The following DEK variants were observed in gnomAD, a reference collection of about 807,000 sequenced individuals.
DEK encodes the protein protein DEK.
Under a neutral mutation model 46.8 loss-of-function variants are expected in DEK, and 28 were observed. That is an observed-to-expected ratio of 0.60 (90% CI 0.44 to 0.82). DEK has a LOEUF of 0.82. Ranked by LOEUF, DEK falls within the 40% of genes least tolerant of loss-of-function variation. DEK has a pLI of 0.00. For synonymous variants in DEK, 160 were observed against 144.5 expected (o/e 1.11, Z -0.77); for missense variants, 416 against 430.6 (o/e 0.97, Z 0.30).
At chr6:18,253,967 G>A (rs527311541) in intron 6 of DEK, among the ~76,000 whole-genome samples, 1 of 152,022 alleles carries the variant, frequency 6.6e-6, no homozygotes, top group African/African-American at 2.4e-5. Flanking sequence ...CCTCCCAAAG[G>A]GCAGGGATTA....
At chr6:18,254,227 A>C (rs1055776370) in intron 6 of DEK, among the ~76,000 whole-genome samples, 3 of 152,068 alleles carry the variant, frequency 2.0e-5, no homozygotes, top group African/African-American at 7.2e-5. Flanking sequence ...GCTACTGTAG[A>C]GACTGAGGCA....
intron 9 of DEK, among the ~76,000 whole-genome samples, chr6:18,231,067 C>T (rs565681298): frequency 6.6e-6 from 1 of 152,200 alleles, no homozygotes; most frequent in African/African-American, 2.4e-5. Context: ...AAGAAACTCA[C>T]TCAAAACAGC....
intron 9 of DEK, among the ~76,000 whole-genome samples, chr6:18,228,007 T>C (rs773079249): frequency 1.3e-5 from 2 of 152,186 alleles, no homozygotes; most frequent in Non-Finnish European, 2.9e-5. Context: ...TTTCTGCCTT[T>C]TGTCAATTTT....
chr6:18,244,040 T>A (rs1032810724), intron 7 of DEK, among the ~76,000 whole-genome samples: 5 of 152,228 alleles, frequency 3.3e-5, no homozygotes, highest in African/African-American at 1.2e-4. Flanking sequence ...CTTTAGTGAT[T>A]ATAATAAAAA....
intron 6 of DEK, among the ~76,000 whole-genome samples, chr6:18,253,193 A>G (rs1182139019): frequency 1.3e-5 from 2 of 151,366 alleles, no homozygotes; most frequent in Non-Finnish European, 2.9e-5. Flanking sequence ...TTCACCTCCC[A>G]GAGAACACCA....
intron 7 of DEK, among the ~76,000 whole-genome samples, chr6:18,245,317 C>T (rs1791064303): frequency 6.6e-6 from 1 of 152,248 alleles, no homozygotes; most frequent in African/African-American, 2.4e-5. Context: ...CCCACATCCT[C>T]AATTCCTTTC....
At chr6:18,263,680 C>T (rs917419396) in intron 2 of DEK, among the ~76,000 whole-genome samples, 163 bp downstream of exon 2, 2 of 152,232 alleles carry the variant, frequency 1.3e-5, no homozygotes, top group African/African-American at 4.8e-5. Flanking sequence ...TCTACGCCAT[C>T]GCTCAAAACA....
In DEK at chr6:18,238,536, A is replaced by C. The variant is rs140156438; in HGVS notation, c.763-1020T>G. The stretch of plus-strand genomic sequence containing the variant: ...ACATGGTGAAACACTGTCTCTCCTA[A>C]AAATACAAAAATTAGCTGGGTGTGG... On this transcript the variant is annotated intron_variant, in intron 7 of 10. Coordinates refer to ENST00000652689, the MANE Select transcript of DEK (RefSeq NM_003472.4). Among the ~76,000 whole-genome samples the C allele has an allele frequency of 3.9e-5, 6 of 152,018 alleles. No homozygotes were observed. In the East Asian group the frequency reaches 1.2e-3, roughly 30 times the overall value.
chr6:18,239,381 G>A (rs928292752), intron 7 of DEK, among the ~76,000 whole-genome samples: 2 of 117,550 alleles, frequency 1.7e-5, no homozygotes, highest in South Asian at 2.7e-4. Flanking sequence ...AGATGGTCTC[G>A]CTATGTTACC....
rs918783467 is a variant in DEK at position 18,256,284 on chromosome 6, G to A, written c.452+77C>T. ...TTACAGGTGTGAGCCACTGTGCCTGGCCCGAATGTGATTTAACATTAAAAA... is the reference window on the plus strand; with the variant it reads ...TTACAGGTGTGAGCCACTGTGCCTGACCCGAATGTGATTTAACATTAAAAA... On this transcript the variant is annotated intron_variant, in intron 5 of 10. Transcript: ENST00000652689. 2.2e-5 allele frequency: 28 copies of A among 1,293,732 alleles called. No individual in the cohort carries two copies. The South Asian group carries it at 2.4e-4, about 11-fold the overall frequency. 80.1% of individuals were successfully genotyped at this position (1,293,732 alleles called of 1,614,324 possible).
At position 18,235,009 on chromosome 6, in the gene DEK, G is replaced by A. The variant is rs544097199; in HGVS notation, c.1047+1443C>T. 7.4e-4 allele frequency among the ~76,000 whole-genome samples: 113 copies of A among 152,134 alleles called. 1 individual carries two copies. The highest frequency in any genetic ancestry group is 6.5e-4 in the Non-Finnish European group (44 of 68,002). On this transcript the variant is annotated intron_variant, in intron 9 of 10. Transcript: ENST00000652689. ...ATCCCTTTAAAAAATTTACATGAAG[G>A]TATTCACAAAAATCCTTCTAATGGA...
At chr6:18,263,796 A>AC in intron 2 of DEK, 47 bp downstream of exon 2, 1 of 1,610,384 alleles carries the variant, frequency 6.2e-7, no homozygotes, top group Non-Finnish European at 8.5e-7. Flanking sequence ...AAATACAAAA[A>AC]AACTTCGGTC....
intron 9 of DEK, among the ~76,000 whole-genome samples, chr6:18,229,610 C>A (rs995152372): frequency 1.3e-5 from 2 of 152,086 alleles, no homozygotes; most frequent in African/African-American, 4.8e-5. Context: ...ATTCGATCAA[C>A]TGGAAGAAAG....
rs1027529936 is a variant in DEK at position 18,237,649 on chromosome 6, C to G, written c.763-133G>C. On this transcript the variant is annotated intron_variant, in intron 7 of 10. Transcript: ENST00000652689. ...TATTTGGTATCAGCAATTAAAAATT[C>G]TTTTTGAGAGATGACTAATATACAA... 4 of 1,238,986 alleles carry G rather than the reference C, an allele frequency of 3.2e-6. No homozygotes were observed. The African/African-American group carries it at 6.2e-5, about 19-fold the overall frequency. 76.7% of individuals were successfully genotyped at this position (1,238,986 alleles called of 1,614,324 possible).
At chr6:18,235,670 G>A (rs960647368) in intron 9 of DEK, among the ~76,000 whole-genome samples, 2 of 151,804 alleles carry the variant, frequency 1.3e-5, no homozygotes. Flanking sequence ...TTTTTTTTTG[G>A]TAGAGACGGG....
intron 2 of DEK, among the ~76,000 whole-genome samples, chr6:18,260,423 A>G (rs1310234668): frequency 1.3e-5 from 2 of 152,170 alleles, no homozygotes; most frequent in Non-Finnish European, 2.9e-5. Flanking sequence ...CATGTCCTAC[A>G]GGCACCTAAA....
Position 18,263,848 on chromosome 6 carries a change from TC to T in DEK, c.139del (p.Glu47LysfsTer17). On this transcript the variant is annotated frameshift_variant, in exon 2 of 11. Coordinates refer to ENST00000652689, the MANE Select transcript of DEK (RefSeq NM_003472.4). LOFTEE classifies it high-confidence loss of function. ...TGGGATGCGACTCCCCCCACCTTTTTCCTCCTCCTCCTCCTCCTCGTCGTCC... is the reference window on the plus strand; with the variant it reads ...TGGGATGCGACTCCCCCCACCTTTTTCTCCTCCTCCTCCTCCTCGTCGTCC... ...DEDDEEEEEEEKEKSLIVEGK... is the reference protein window; with the variant it reads ...DEDDEEEEEEXKEKSLIVEGK... 6.3e-7 allele frequency: 1 copy of T among 1,577,768 alleles called. No homozygotes were observed. The highest frequency in any genetic ancestry group is 8.6e-7 in the Non-Finnish European group (1 of 1,161,134).
At chr6:18,259,394 C>CAAAAAAAAAAAAAAAAAAAAAA in intron 2 of DEK, among the ~76,000 whole-genome samples, 1 of 41,482 alleles carries the variant, frequency 2.4e-5, no homozygotes. Flanking sequence ...GACTCCGTCT[C>CAAAAAAAAAAAAAAAAAAAAAA]AAAAAAAAAA....
At chr6:18,257,729 A>G (rs1791661875) in intron 4 of DEK, among the ~76,000 whole-genome samples, 1 of 152,064 alleles carries the variant, frequency 6.6e-6, no homozygotes, top group African/African-American at 2.4e-5. Context: ...AGAAAGAAAA[A>G]AAAAAGAAAA....
Sources: allele counts gnomAD v4.1 joint callset (sites outside exome capture counted in the v4.1 genomes callset), GRCh38; gene constraint gnomAD v4.1.1; transcripts MANE v1.5; gene names NCBI Gene and HGNC (gene_info 2026-07-23, HGNC 2026-07-21).